The following TSPAN17 variants were observed in gnomAD, a reference collection of about 807,000 sequenced individuals.
TSPAN17 encodes tetraspanin-17.
TSPAN17 carries 33 observed loss-of-function variants against 40.5 expected under a neutral mutation model. The ratio of observed to expected loss-of-function variants is 0.81; its 90% CI spans 0.62 to 1.09. The LOEUF is 1.09. Ranked by LOEUF, TSPAN17 falls within the 50% of genes least tolerant of loss-of-function variation. TSPAN17 has a pLI of 0.00. For synonymous variants in TSPAN17, 166 were observed against 169.4 expected, an observed-to-expected ratio of 0.98 and a Z score of 0.15; for missense variants, 365 against 416.8, an observed-to-expected ratio of 0.88 and a Z score of 1.08.
chr5:176,649,720 C>T (rs1419146764), intron 1 of TSPAN17, among the ~76,000 whole-genome samples: 2 of 152,220 alleles, frequency 1.3e-5, no homozygotes, highest in Non-Finnish European at 2.9e-5. Flanking sequence ...AGCCACCACG[C>T]CCGGCCATCC....
rs952456685 is a variant in TSPAN17, at chr5:176,654,749, G to A, written c.457-146G>A. 12 of 1,020,440 alleles carry A rather than the reference G, an allele frequency of 1.2e-5. No individual in the cohort carries two copies. The highest frequency in any genetic ancestry group is 1.7e-5 in the Non-Finnish European group (12 of 706,970). 63.2% of individuals were successfully genotyped at this position (1,020,440 alleles called of 1,614,324 possible). ...CAGCCTGGAGGTTGGGCCCAGGCCT[G>A]TGGGGGTGGGGAGGTGGCCACCCAC... On this transcript the variant is annotated intron_variant, in intron 4 of 8. Coordinates refer to ENST00000508164, the MANE Select transcript of TSPAN17 (RefSeq NM_130465.5). The surrounding 1 kb of genome is among the most constrained non-coding windows in gnomAD (Gnocchi z 4.3).
Position 176,657,718 on chromosome 5 carries a change from A to C in TSPAN17, c.*20A>C. 6.5e-7 allele frequency: 1 copy of C among 1,543,138 alleles called. No homozygotes were observed. On this transcript the variant is annotated 3_prime_UTR_variant, in exon 9 of 9. Transcript: ENST00000508164. ...TGGTAGATTTCACATAAAAGTCCAG[A>C]TCCACAGCTTCTCTTGAAGAATGAC... is the stretch of plus-strand genomic sequence containing the variant.
Position 176,654,948 on chromosome 5 carries a change from C to G in TSPAN17, c.510C>G (p.Phe170Leu). The G allele has an allele frequency of 6.2e-7, 1 of 1,613,832 alleles. No individual in the cohort carries two copies. Among genetic ancestry groups the G allele is most frequent in the South Asian group, 1.1e-5 (1 of 90,976 alleles). ...GPNDWNLNIY[F>L]NCTDLNPSRE... The stretch of plus-strand genomic sequence containing the variant: ...ATGACTGGAACCTCAATATCTACTT[C>G]AACTGCACTGACTTGAACCCCAGCC... The change falls in exon 5 of 9, where the codon TTC (phenylalanine) becomes TTG (leucine). Residue 170 changes from phenylalanine to leucine, a missense_variant. Physicochemically the swap from Phe to Leu is conservative, Grantham distance 22 (BLOSUM62 0). Transcript: ENST00000508164. This position sits in a 1 kb window ranked among gnomAD's most constrained non-coding sequence, Gnocchi z 4.3.
chr5:176,647,832 C>A, intron 1 of TSPAN17, 130 bp downstream of exon 1: 1 of 851,746 alleles, frequency 1.2e-6, no homozygotes, highest in Non-Finnish European at 1.7e-6. Context: ...ACTTCTGCCA[C>A]ACCCACGCCC....
At position 176,650,473 on chromosome 5, in the gene TSPAN17, C is replaced by T. The variant is rs372456114; in HGVS notation, c.88-1143C>T. On this transcript the variant is annotated intron_variant, in intron 1 of 8. Coordinates refer to ENST00000508164, the MANE Select transcript of TSPAN17 (RefSeq NM_130465.5). This position sits in a 1 kb window ranked among gnomAD's most constrained non-coding sequence, Gnocchi z 4.0. ...AGGCGGAGCATCCTGGGAAGGAGCTCGGGGAGGAATGGGGTTGAGTTAACT... is the reference window on the plus strand; with the variant it reads ...AGGCGGAGCATCCTGGGAAGGAGCTTGGGGAGGAATGGGGTTGAGTTAACT... 1.3e-5 allele frequency among the ~76,000 whole-genome samples: 2 copies of T among 152,066 alleles called. No individual in the cohort carries two copies. The highest frequency in any genetic ancestry group is 2.4e-5 in the African/African-American group (1 of 41,478).
chr5:176,651,676 C>A lies in TSPAN17; in HGVS notation c.138+10C>A, dbSNP rs772115107. On this transcript the variant is annotated intron_variant, in intron 2 of 8. Transcript: ENST00000508164. This position sits in a 1 kb window ranked among gnomAD's most constrained non-coding sequence, Gnocchi z 4.5. ...GGCCTGGGGTGAGAAGGTAAGGCAG[C>A]GGGCGGGCGTGGAGCTGGTATGGGA... The A allele has an allele frequency of 1.9e-6, 3 of 1,613,908 alleles. No homozygotes were observed. The highest frequency in any genetic ancestry group is 2.5e-6 in the Non-Finnish European group (3 of 1,179,842).
At chr5:176,655,306 G>A (rs1761112001) in intron 5 of TSPAN17, among the ~76,000 whole-genome samples, 2 of 152,192 alleles carry the variant, frequency 1.3e-5, no homozygotes, top group Admixed American at 6.5e-5. Flanking sequence ...CATAAACACA[G>A]CCGCAGCCAT....
At chr5:176,649,848 G>C (rs1289032584) in intron 1 of TSPAN17, among the ~76,000 whole-genome samples, 1 of 152,200 alleles carries the variant, frequency 6.6e-6, no homozygotes, top group Non-Finnish European at 1.5e-5. Flanking sequence ...CAGGGCCTCT[G>C]CCTGTGCCCT....
rs765897844 is a variant in TSPAN17 at position 176,652,844 on chromosome 5, C to T, written c.387C>T (p.Ile129=). The T allele has an allele frequency of 3.7e-6, 6 of 1,614,204 alleles. No individual in the cohort carries two copies. The highest frequency in any genetic ancestry group is 5.1e-6 in the Non-Finnish European group (6 of 1,180,018). The part of the protein sequence containing the change: ...DWIRDQLNLF[I]NNNVKAYRDD... ...TTCGAGACCAGCTCAACCTCTTCAT[C>T]AACAACAACGTCAAGGCCTACCGGG... Residue 129 remains isoleucine, a synonymous_variant, in exon 4 of 9, where the codon ATC becomes ATT. Transcript: ENST00000508164.
intron 1 of TSPAN17, among the ~76,000 whole-genome samples, chr5:176,648,483 G>A (rs535409111): frequency 6.6e-6 from 1 of 152,358 alleles, no homozygotes; most frequent in African/African-American, 2.4e-5. Context: ...CAAAGCCGTG[G>A]CCCTCTGCAG....
At chr5:176,657,063 T>C in intron 8 of TSPAN17, 107 bp downstream of exon 8, 2 of 1,198,822 alleles carry the variant, frequency 1.7e-6, no homozygotes, top group Non-Finnish European at 1.2e-6. Flanking sequence ...GCAGGAGATG[T>C]TCCTGCTGGG....
chr5:176,654,644 C>T lies in TSPAN17; in HGVS notation c.457-251C>T, dbSNP rs1468988220. 2.0e-6 allele frequency: 1 copy of T among 503,506 alleles called. No individual in the cohort carries two copies. Among genetic ancestry groups the T allele is most frequent in the Non-Finnish European group, 3.6e-6 (1 of 279,390 alleles). The allele number at this position is 503,506 out of a possible 1,614,324, so 31.2% of individuals were successfully genotyped here. A position where few individuals can be genotyped will look rare whatever the true frequency, so the allele number is the denominator to read the frequency against. On this transcript the variant is annotated intron_variant, in intron 4 of 8. Transcript: ENST00000508164. The surrounding 1 kb of genome is among the most constrained non-coding windows in gnomAD (Gnocchi z 4.3). ...TCATTGAACCAGTATCCTTGTCCCA[C>T]TCCCTCCCTTTTTCTAGCCTCTCTT... is the stretch of plus-strand genomic sequence containing the variant.
At chr5:176,652,168 C>T (rs1408370352) in intron 3 of TSPAN17, among the ~76,000 whole-genome samples, 1 of 152,216 alleles carries the variant, frequency 6.6e-6, no homozygotes, top group Non-Finnish European at 1.5e-5. Context: ...GGGGCTGCCA[C>T]AGTTTCACTT....
At chr5:176,655,884 G>A (rs1353824700) in intron 5 of TSPAN17, among the ~76,000 whole-genome samples, 194 bp from the exon 6 acceptor site, 1 of 151,198 alleles carries the variant, frequency 6.6e-6, no homozygotes, top group Non-Finnish European at 1.5e-5. Context: ...CTGGGCAATG[G>A]AGTGAGACCC....
intron 3 of TSPAN17, among the ~76,000 whole-genome samples, chr5:176,652,299 A>C (rs1760999017): frequency 6.6e-6 from 1 of 152,104 alleles, no homozygotes; most frequent in Admixed American, 6.6e-5. Context: ...GGAGGCTGAG[A>C]GCTCTCTTCC....
chr5:176,657,999 G>T lies in TSPAN17; in HGVS notation c.*301G>T, dbSNP rs1761224895. 3.2e-6 allele frequency: 1 copy of T among 310,144 alleles called. No individual in the cohort carries two copies. Among genetic ancestry groups the T allele is most frequent in the Admixed American group, 4.8e-5 (1 of 21,024 alleles). The allele number at this position is 310,144 out of a possible 1,614,324, so 19.2% of individuals were successfully genotyped here. A position where few individuals can be genotyped will look rare whatever the true frequency, so the allele number is the denominator to read the frequency against. The stretch of plus-strand genomic sequence containing the variant: ...AAGAGGGTGCAGCCTGGGAAGGGCG[G>T]CCTTGCTGGGGACTGCGGTGGGAGT... On this transcript the variant is annotated 3_prime_UTR_variant, in exon 9 of 9. Coordinates refer to ENST00000508164, the MANE Select transcript of TSPAN17 (RefSeq NM_130465.5).
Position 176,653,384 on chromosome 5 carries a change from T to C in TSPAN17, c.456+471T>C, listed in dbSNP as rs560519925. The stretch of plus-strand genomic sequence containing the variant: ...ATTTATACTATGTTTGGCCTCTGTG[T>C]ATATTAGAGTTTAGACCCCTGATGG... On this transcript the variant is annotated intron_variant, in intron 4 of 8. Coordinates refer to ENST00000508164, the MANE Select transcript of TSPAN17 (RefSeq NM_130465.5). 34 of 154,846 alleles carry C rather than the reference T, an allele frequency of 2.2e-4. No homozygotes were observed. In the South Asian group the frequency reaches 4.7e-3, roughly 22 times the overall value. The allele number at this position is 154,846 out of a possible 1,614,324, so 9.6% of individuals were successfully genotyped here. A position where few individuals can be genotyped will look rare whatever the true frequency, so the allele number is the denominator to read the frequency against.
At position 176,656,937 on chromosome 5, in the gene TSPAN17, A is replaced by C. The variant is rs751519664; in HGVS notation, c.790A>C (p.Lys264Gln). Reference sequence around the variant, plus strand: ...GGCCCAGAACCTCGTGAGTGACATCAAGGCAGTGAAAGCCAACTGGTGAGG... The same window carrying C: ...GGCCCAGAACCTCGTGAGTGACATCCAGGCAGTGAAAGCCAACTGGTGAGG... Reference protein sequence around the residue: ...CLAQNLVSDIKAVKANWSKWN... With the variant: ...CLAQNLVSDIQAVKANWSKWN... The change falls in exon 8 of 9, where the codon AAG becomes CAG. Residue 264 changes from lysine (K) to glutamine (Q), a missense_variant. Coordinates refer to ENST00000508164, the MANE Select transcript of TSPAN17 (RefSeq NM_130465.5). 1 of 1,613,888 alleles carries C rather than the reference A, an allele frequency of 6.2e-7. No individual in the cohort carries two copies.
At chr5:176,648,710 T>C (rs1760844563) in intron 1 of TSPAN17, among the ~76,000 whole-genome samples, 1 of 152,166 alleles carries the variant, frequency 6.6e-6, no homozygotes, top group Non-Finnish European at 1.5e-5. Context: ...CTGGGACACC[T>C]TGGGCAAGTC....
Sources: gnomAD v4.1 joint callset for allele counts (sites outside exome capture counted in the v4.1 genomes callset) on GRCh38, gnomAD v4.1.1 for gene constraint, Gnocchi (gnomAD v3.1) non-coding constraint, MANE v1.5 for transcripts, NCBI Gene and HGNC (gene_info 2026-07-23, HGNC 2026-07-21) for gene names.